The following GRAMD1A variants were observed in gnomAD, a reference collection of about 807,000 sequenced individuals.
The protein encoded by GRAMD1A is protein Aster-A.
GRAMD1A carries 50 observed loss-of-function variants against 92.0 expected under a neutral mutation model. That is an observed-to-expected ratio of 0.54 (90% confidence interval 0.43 to 0.69). The LOEUF is 0.69. Ranked by LOEUF, GRAMD1A falls within the 30% of genes least tolerant of loss-of-function variation. The pLI, the probability that GRAMD1A is intolerant of heterozygous loss-of-function variation, is 0.00. For missense variants in GRAMD1A, 819 were observed against 978.9 expected (o/e 0.84, Z 2.18); for synonymous variants, 405 against 403.6 (o/e 1.00, Z -0.04).
At chr19:35,019,111 T>A (rs909319948) in intron 11 of GRAMD1A, 80 bp from the exon 12 acceptor site, 1 of 917,982 alleles carries the variant, frequency 1.1e-6, no homozygotes, top group Non-Finnish European at 1.7e-6. Flanking sequence ...CAGAGAGACC[T>A]CCCAGAAGGC....
intron 6 of GRAMD1A, among the ~76,000 whole-genome samples, chr19:35,010,925 C>A (rs1433441099): frequency 6.6e-6 from 1 of 151,802 alleles, no homozygotes; most frequent in Non-Finnish European, 1.5e-5. Flanking sequence ...CATAGTGAGA[C>A]CCTGTCTCTT....
rs1254353777 is a variant in GRAMD1A at position 35,013,128 on chromosome 19, C to A, written c.607-128C>A. On this transcript the variant is annotated intron_variant, in intron 7 of 19. Transcript: ENST00000317991. The surrounding 1 kb of genome is among the most constrained non-coding windows in gnomAD (Gnocchi z 4.9). ...CCGCTTGCTGAGGCCAGGTCTGGTG[C>A]GGGAGATCGTGGCTGCCTCCTTGTG... The A allele has an allele frequency of 4.9e-6, 3 of 614,000 alleles. No individual in the cohort carries two copies. In the East Asian group the frequency reaches 8.3e-5, roughly 17 times the overall value. The allele number at this position is 614,000 out of a possible 1,614,324, so 38.0% of individuals were successfully genotyped here. A position where few individuals can be genotyped will look rare whatever the true frequency, so the allele number is the denominator to read the frequency against.
intron 16 of GRAMD1A, among the ~76,000 whole-genome samples, chr19:35,022,633 C>T (rs2016137845): frequency 9.7e-6 from 1 of 102,710 alleles, no homozygotes; most frequent in Non-Finnish European, 2.1e-5. Flanking sequence ...CAGGGAGAAC[C>T]CACACTCCTG....
rs548523764 is a variant in GRAMD1A, at chr19:35,006,878, G to A, written c.9-2241G>A. ...GTGCCTGCCTTAGGCTGGATGATGC[G>A]GAAGGAGAGCATTTGAGCTGAAGGG... On this transcript the variant is annotated intron_variant, in intron 1 of 19. Transcript: ENST00000317991. Among the ~76,000 whole-genome samples the A allele has an allele frequency of 1.3e-3, 192 of 152,298 alleles. 1 individual carries two copies. The highest frequency in any genetic ancestry group is 2.4e-3 in the Admixed American group (36 of 15,296).
chr19:34,995,570 G>GTTTTTCTTTTTTTTTTTTTTTTT (rs1173583059), upstream of GRAMD1A, among the ~76,000 whole-genome samples: 1 of 80,956 alleles, frequency 1.2e-5, no homozygotes, highest in African/African-American at 4.8e-5. Context: ...TCAGATCACG[G>GTTTTTCTTTTTTTTTTTTTTTTT]GTTTTTTTTT....
rs71165697 is a variant in GRAMD1A, at chr19:35,000,449, C to CCCTGA, written c.-30_-29insCCTGA. 1 of 1,251,246 alleles carries CCCTGA rather than the reference C, an allele frequency of 8.0e-7. No individual in the cohort carries two copies. The allele number at this position is 1,251,246 out of a possible 1,614,324, so 77.5% of individuals were successfully genotyped here. A position where few individuals can be genotyped will look rare whatever the true frequency, so the allele number is the denominator to read the frequency against. On this transcript the variant is annotated 5_prime_UTR_variant, in exon 1 of 20. Coordinates refer to ENST00000317991, the MANE Select transcript of GRAMD1A (RefSeq NM_020895.5). This position sits in a 1 kb window ranked among gnomAD's most constrained non-coding sequence, Gnocchi z 4.9. ...CCCTGCCCTGCCCTGCCCTGCCCTG[C>CCCTGA]GCCCGGGGCGCGCCCACCGCGCCGC...
chr19:35,020,181 C>G (rs2015946812), intron 13 of GRAMD1A, among the ~76,000 whole-genome samples: 1 of 152,132 alleles, frequency 6.6e-6, no homozygotes, highest in Non-Finnish European at 1.5e-5. Context: ...CACTTGAGCC[C>G]AGGAGTTCAA....
At chr19:35,020,208 G>A (rs58285699) in intron 13 of GRAMD1A, among the ~76,000 whole-genome samples, 55,560 of 151,606 alleles carry the variant, frequency 0.37, 10,311 homozygotes, top group Middle Eastern at 0.48. Context: ...CCTGGGTAAC[G>A]TACGGAAGCC....
chr19:35,022,646 C>T (rs2016138487), intron 16 of GRAMD1A, among the ~76,000 whole-genome samples: 1 of 102,714 alleles, frequency 9.7e-6, no homozygotes, highest in Non-Finnish European at 2.1e-5. Context: ...CACTCCTGCC[C>T]AGAAGCCTGC....
At chr19:35,010,048 C>T (rs367728845) in intron 4 of GRAMD1A, 44 bp from the exon 5 acceptor site, 3 of 1,532,356 alleles carry the variant, frequency 2.0e-6, no homozygotes, top group African/African-American at 1.4e-5. Context: ...GCCGGCTGAG[C>T]CTCGTGACTT....
intron 1 of GRAMD1A, among the ~76,000 whole-genome samples, chr19:35,003,061 GGTGTGTGT>G (rs58809497): frequency 2.2e-4 from 31 of 142,232 alleles, no homozygotes; most frequent in African/African-American, 7.8e-4. Context: ...CAATGCTGCA[GGTGTGTGT>G]GTGTGTGTGT....
upstream of GRAMD1A, among the ~76,000 whole-genome samples, chr19:34,997,549 A>C (rs1284027378): frequency 2.0e-5 from 3 of 152,356 alleles, no homozygotes; most frequent in East Asian, 5.8e-4. Context: ...TGAATAGAAC[A>C]AGCAGCCACT....
At chr19:35,003,428 C>T (rs1348956044) in intron 1 of GRAMD1A, among the ~76,000 whole-genome samples, 1 of 152,156 alleles carries the variant, frequency 6.6e-6, no homozygotes, top group African/African-American at 2.4e-5. Flanking sequence ...CCAGGCTCCT[C>T]CCTTCACTCT....
chr19:35,021,223 A>T lies in GRAMD1A; in HGVS notation c.1476-279A>T, dbSNP rs1401948896. On this transcript the variant is annotated intron_variant, in intron 13 of 19. Coordinates refer to ENST00000317991, the MANE Select transcript of GRAMD1A (RefSeq NM_020895.5). The surrounding 1 kb of genome is among the most constrained non-coding windows in gnomAD (Gnocchi z 5.3). ...AGGGGCATGGTCTGGTTAAGACGTC[A>T]GTCTGTGAGTAGACAGGGCTCAGGC... 6.6e-6 allele frequency among the ~76,000 whole-genome samples: 1 copy of T among 152,216 alleles called. No individual in the cohort carries two copies. Among genetic ancestry groups the T allele is most frequent in the East Asian group, 1.9e-4 (1 of 5,190 alleles).
chr19:34,998,686 G>C (rs1248193728), upstream of GRAMD1A: 1 of 152,064 alleles, frequency 6.6e-6, no homozygotes, highest in Non-Finnish European at 1.5e-5. Context: ...AGATCAGTTG[G>C]ACAGAGGAAG....
At chr19:35,010,459 G>T in intron 6 of GRAMD1A, 80 bp downstream of exon 6, 1 of 926,834 alleles carries the variant, frequency 1.1e-6, no homozygotes, top group Non-Finnish European at 1.8e-6. Flanking sequence ...AGCCCCATTT[G>T]TTCTGCACCC....
At chr19:35,020,471 G>T (rs2015967359) in intron 13 of GRAMD1A, among the ~76,000 whole-genome samples, 1 of 152,060 alleles carries the variant, frequency 6.6e-6, no homozygotes, top group Non-Finnish European at 1.5e-5. Context: ...CTAGGAGGTG[G>T]AGGTTGCAGT....
At position 35,017,555 on chromosome 19, in the gene GRAMD1A, C is replaced by T. The variant is rs1308816469; in HGVS notation, c.1213+1588C>T. On this transcript the variant is annotated intron_variant, in intron 11 of 19. Transcript: ENST00000317991. Reference sequence around the variant, plus strand: ...CTTGGCTGGTCCCATGTCAACCCTTCAGCCTCACCCAGAGCTGTGGCTGCC... The same window carrying T: ...CTTGGCTGGTCCCATGTCAACCCTTTAGCCTCACCCAGAGCTGTGGCTGCC... 2.0e-5 allele frequency among the ~76,000 whole-genome samples: 3 copies of T among 152,152 alleles called. No homozygotes were observed. The East Asian group carries it at 5.8e-4, about 29-fold the overall frequency.
chr19:35,010,558 C>G (rs2015161035), intron 6 of GRAMD1A, 179 bp downstream of exon 6: 7 of 606,742 alleles, frequency 1.2e-5, no homozygotes, highest in Non-Finnish European at 2.1e-5. Flanking sequence ...AGCCTCTCCT[C>G]TCTTTCCCTG....
Sources: gnomAD v4.1 joint callset for allele counts (sites outside exome capture counted in the v4.1 genomes callset) on GRCh38, gnomAD v4.1.1 for gene constraint, Gnocchi (gnomAD v3.1) non-coding constraint, MANE v1.5 for transcripts, NCBI Gene and HGNC (gene_info 2026-07-23, HGNC 2026-07-21) for gene names.